LMF1: variants seen among roughly 807,000 people sequenced by gnomAD.
LMF1 encodes the protein transmembrane protein 112.
Under a neutral mutation model 60.6 loss-of-function variants are expected in LMF1, and 68 were observed. The observed-to-expected ratio is 1.12, with a 90% CI of 0.92 to 1.37. The LOEUF (loss-of-function observed/expected upper bound fraction) is 1.37. Among genes scored for constraint, LMF1 ranks in the 40% most tolerant of loss-of-function variants. The probability of loss-of-function intolerance (pLI) is 0.00; values close to 1 mark genes in which losing one functional copy is unlikely to be tolerated. For synonymous variants in LMF1, 418 were observed against 324.7 expected, an observed-to-expected ratio of 1.29 and a Z score of -3.09; for missense variants, 948 against 767.2, an observed-to-expected ratio of 1.24 and a Z score of -2.78.
rs2382945 is a variant in LMF1, at chr16:943,654, G to A, written c.504-9400C>T. On this transcript the variant is annotated intron_variant, in intron 2 of 10. Coordinates refer to ENST00000262301, the MANE Select transcript of LMF1 (RefSeq NM_022773.4). ...AAGCAGGAAAATTGTTTGAACCTGC[G>A]AGGTGGAGGTTGAAGTGAGCCAAGA... 4.8e-4 allele frequency among the ~76,000 whole-genome samples: 71 copies of A among 147,710 alleles called. No homozygotes were observed. The South Asian group carries it at 6.5e-3, about 13-fold the overall frequency.
At chr16:942,231 C>T (rs908113155) in intron 2 of LMF1, among the ~76,000 whole-genome samples, 3 of 152,216 alleles carry the variant, frequency 2.0e-5, no homozygotes, top group African/African-American at 7.2e-5. Context: ...GATGCCAGTC[C>T]ATCATCCTCT....
intron 1 of LMF1, among the ~76,000 whole-genome samples, chr16:966,686 A>C (rs1454826007): frequency 1.3e-5 from 2 of 152,220 alleles, no homozygotes; most frequent in African/African-American, 4.8e-5. Flanking sequence ...AAGTGTGCAC[A>C]GGCAAGGAAT....
chr16:949,791 G>T (rs1355052908), intron 2 of LMF1, among the ~76,000 whole-genome samples: 2 of 111,136 alleles, frequency 1.8e-5, no homozygotes, highest in African/African-American at 9.5e-5. Flanking sequence ...GACAGAGTCA[G>T]AGCCAACGAC....
At chr16:895,916 G>A (rs1313390381) in intron 4 of LMF1, among the ~76,000 whole-genome samples, 1 of 100,880 alleles carries the variant, frequency 9.9e-6, no homozygotes, top group African/African-American at 4.1e-5. Flanking sequence ...GCCTCGGAGG[G>A]GTTGTGAGGC....
chr16:932,877 G>A (rs117993785), intron 3 of LMF1, among the ~76,000 whole-genome samples: 2,701 of 151,340 alleles, frequency 0.018, 44 homozygotes, highest in Non-Finnish European at 0.029. Flanking sequence ...GCTTCCTCAC[G>A]TCTACTCGCT....
rs187319192 is a variant in LMF1, at chr16:882,899, C to G, written c.730-3162G>C. Among the ~76,000 whole-genome samples, 561 of 150,468 alleles carry G rather than the reference C, an allele frequency of 3.7e-3. 6 individuals carry two copies. Among genetic ancestry groups the G allele is most frequent in the African/African-American group, 0.013 (540 of 40,724 alleles). ...GAGAAAGAGGAGCCACCCAGCGGAG[C>G]CCATCGCAGGACCAGGAGAAAGAGG... On this transcript the variant is annotated intron_variant, in intron 5 of 10. Coordinates refer to ENST00000262301, the MANE Select transcript of LMF1 (RefSeq NM_022773.4).
At position 931,682 on chromosome 16, in the gene LMF1, G is replaced by T. The variant is rs74004034; in HGVS notation, c.514+2562C>A. ...CTCTATGTTCTCCAAGATCAGGGAA[G>T]GGAAGACAGTTCAAAGACGCATGGC... is the stretch of plus-strand genomic sequence containing the variant. On this transcript the variant is annotated intron_variant, in intron 3 of 10. Coordinates refer to ENST00000262301, the MANE Select transcript of LMF1 (RefSeq NM_022773.4). 4.9e-3 allele frequency: 6,312 copies of T among 1,287,188 alleles called. 253 individuals carry two copies. In the African/African-American group the frequency reaches 0.084, roughly 17 times the overall value. 79.7% of individuals were successfully genotyped at this position (1,287,188 alleles called of 1,614,324 possible). A position where few individuals can be genotyped will look rare whatever the true frequency, so the allele number is the denominator to read the frequency against.
In LMF1 at chr16:930,247, A is replaced by T. The variant is rs898865038; in HGVS notation, c.514+3997T>A. The stretch of plus-strand genomic sequence containing the variant: ...GGGACACAGAGCCCAGGACAGCAGC[A>T]GTCGCGTCCGTCTGAACAGGGGCGC... On this transcript the variant is annotated intron_variant, in intron 3 of 10. Transcript: ENST00000262301. Among the ~76,000 whole-genome samples, 3 of 122,034 alleles carry T rather than the reference A, an allele frequency of 2.5e-5. No homozygotes were observed. The South Asian group carries it at 1.0e-3, about 41-fold the overall frequency. The allele number at this position is 122,034 out of a possible 152,430, so 80.1% of individuals were successfully genotyped here.
chr16:860,786 G>A (rs182624095), intron 10 of LMF1, among the ~76,000 whole-genome samples: 204 of 152,294 alleles, frequency 1.3e-3, no homozygotes, highest in African/African-American at 4.4e-3. Context: ...ATCCGGGCAT[G>A]TTTGTTTGGG....
intron 5 of LMF1, among the ~76,000 whole-genome samples, chr16:882,238 TAAAAA>T (rs1167996561): frequency 6.6e-6 from 1 of 152,206 alleles, no homozygotes; most frequent in Non-Finnish European, 1.5e-5. Context: ...AATGCTGTGT[TAAAAA>T]GAGAAGAGCA....
chr16:878,143 C>G lies in LMF1; in HGVS notation c.897+1427G>C, dbSNP rs1006417787. Among the ~76,000 whole-genome samples, 2 of 152,112 alleles carry G rather than the reference C, an allele frequency of 1.3e-5. No individual in the cohort carries two copies. The highest frequency in any genetic ancestry group is 4.8e-5 in the African/African-American group (2 of 41,394). ...AAGCTATTCCAGGAGCCCCCAAACACGCGTGGGGTCCGGCTACATGGAACC... is the reference window on the plus strand; with the variant it reads ...AAGCTATTCCAGGAGCCCCCAAACAGGCGTGGGGTCCGGCTACATGGAACC... On this transcript the variant is annotated intron_variant, in intron 6 of 10. Coordinates refer to ENST00000262301, the MANE Select transcript of LMF1 (RefSeq NM_022773.4). This position sits in a 1 kb window ranked among gnomAD's most constrained non-coding sequence, Gnocchi z 5.2.
At chr16:855,364 T>A in intron 10 of LMF1, 1 of 296,592 alleles carries the variant, frequency 3.4e-6, no homozygotes, top group South Asian at 3.3e-5. Context: ...AGCGGGCAGG[T>A]CTCTCTGCTG....
chr16:900,128 C>T (rs1567207435), intron 4 of LMF1: 2 of 152,264 alleles, frequency 1.3e-5, no homozygotes, highest in Admixed American at 6.5e-5. Flanking sequence ...TAAGTTGTCA[C>T]ACTGACTGGC....
At chr16:971,015 ATTCTCG>A, upstream of LMF1, 2 of 609,156 alleles carry the variant, frequency 3.3e-6, no homozygotes, top group Non-Finnish European at 4.1e-6. Flanking sequence ...GGCCCCGCCC[ATTCTCG>A]GAGGCCCCGC....
intron 3 of LMF1, chr16:933,936 G>C: frequency 7.2e-7 from 1 of 1,382,180 alleles, no homozygotes; most frequent in South Asian, 1.3e-5. Flanking sequence ...GCGTCCACGG[G>C]GGATGGGCCT....
chr16:931,100 G>A lies in LMF1; in HGVS notation c.514+3144C>T, dbSNP rs182446718. Among the ~76,000 whole-genome samples, 444 of 151,784 alleles carry A rather than the reference G, an allele frequency of 2.9e-3. 3 individuals are homozygous for A. Among genetic ancestry groups the A allele is most frequent in the African/African-American group, 0.01 (424 of 41,400 alleles). On this transcript the variant is annotated intron_variant, in intron 3 of 10. Transcript: ENST00000262301. ...CGCACCACTGCTCTCCAGCCTGGGC[G>A]ACAGAGCGAGACTCCATCTCAAAAA... is the stretch of plus-strand genomic sequence containing the variant.
At chr16:875,978 C>A (rs1012846746) in intron 6 of LMF1, among the ~76,000 whole-genome samples, 2 of 147,292 alleles carry the variant, frequency 1.4e-5, no homozygotes, top group African/African-American at 5.4e-5. Flanking sequence ...CTGGAACACA[C>A]CCCTCCATTC....
At chr16:927,275 A>G (rs1442710634) in intron 3 of LMF1, among the ~76,000 whole-genome samples, 2 of 152,174 alleles carry the variant, frequency 1.3e-5, no homozygotes, top group African/African-American at 4.8e-5. Flanking sequence ...CCTTCCTATG[A>G]AGAACACGAC....
At chr16:932,338 G>A (rs2151784861) in intron 3 of LMF1, among the ~76,000 whole-genome samples, 1 of 152,316 alleles carries the variant, frequency 6.6e-6, no homozygotes, top group South Asian at 2.1e-4. Flanking sequence ...CTCTCACAGG[G>A]AACACACAAG....
Sources: allele counts gnomAD v4.1 joint callset (sites outside exome capture counted in the v4.1 genomes callset), GRCh38; gene constraint gnomAD v4.1.1; non-coding constraint Gnocchi (gnomAD v3.1); transcripts MANE v1.5; gene names NCBI Gene and HGNC (gene_info 2026-07-23, HGNC 2026-07-21).